Variants in TSNARE1 observed in about 807,000 individuals in gnomAD.
TSNARE1 encodes the protein t-SNARE domain-containing protein 1.
In TSNARE1, 49 loss-of-function variants were observed where a neutral mutation model predicts 62.0. The ratio of observed to expected loss-of-function variants is 0.79; its 90% CI spans 0.63 to 1.00. TSNARE1 has a LOEUF of 1.00. Among genes scored for constraint, TSNARE1 ranks in the 50% least tolerant of loss-of-function variants. TSNARE1 has a pLI of 0.00. For missense variants in TSNARE1, 755 were observed against 700.1 expected (o/e 1.08, Z -0.88); for synonymous variants, 328 against 294.4 (o/e 1.11, Z -1.17).
chr8:142,329,222 G>A (rs996500501), intron 6 of TSNARE1, among the ~76,000 whole-genome samples: 1 of 152,224 alleles, frequency 6.6e-6, no homozygotes, highest in Non-Finnish European at 1.5e-5. Context: ...GCCATGCAGG[G>A]AGGGTCAGAA....
At chr8:142,315,457 C>T (rs925302922) in intron 7 of TSNARE1, among the ~76,000 whole-genome samples, 1 of 152,234 alleles carries the variant, frequency 6.6e-6, no homozygotes, top group Non-Finnish European at 1.5e-5. Flanking sequence ...GGTGGTGGGG[C>T]CACTGCCAGA....
chr8:142,400,926 G>A lies in TSNARE1; in HGVS notation c.-40+2178C>T, dbSNP rs370336949. ...AACTGAGTAATGAACACAGTTCCCT[G>A]GTCACCTGGCACCAGGAGGTGCTGT... On this transcript the variant is annotated intron_variant, in intron 1 of 13. Coordinates refer to ENST00000524325, the MANE Select transcript of TSNARE1 (RefSeq NM_145003.5). Among the ~76,000 whole-genome samples the A allele has an allele frequency of 4.6e-5, 7 of 152,290 alleles. No individual in the cohort carries two copies. The South Asian group carries it at 1.0e-3, about 23-fold the overall frequency.
At chr8:142,274,125 G>C (rs1820032389) in intron 12 of TSNARE1, 1 of 985,312 alleles carries the variant, frequency 1.0e-6, no homozygotes, top group East Asian at 1.1e-4. Context: ...ACTCCTTGAG[G>C]AACAGGCTCT....
chr8:142,223,427 TTCAC>T (rs1477853701), intron 13 of TSNARE1, among the ~76,000 whole-genome samples: 1 of 137,364 alleles, frequency 7.3e-6, no homozygotes, highest in Non-Finnish European at 1.6e-5. Context: ...CTCATACTCA[TTCAC>T]TCACTCACTA....
chr8:142,401,672 G>C (rs769813429), intron 1 of TSNARE1, among the ~76,000 whole-genome samples: 1 of 152,154 alleles, frequency 6.6e-6, no homozygotes, highest in African/African-American at 2.4e-5. Context: ...GAGGCTGCCA[G>C]ATGTTCATGG....
At chr8:142,323,869 C>A (rs1829835671) in intron 6 of TSNARE1, among the ~76,000 whole-genome samples, 1 of 152,216 alleles carries the variant, frequency 6.6e-6, no homozygotes, top group South Asian at 2.1e-4. Flanking sequence ...CACTCCATCA[C>A]CATAGCATGC....
At chr8:142,217,355 GAAAGAAAGAAAGAAAGAAAAA>G (rs1563750405) in intron 13 of TSNARE1, among the ~76,000 whole-genome samples, 1 of 118,966 alleles carries the variant, frequency 8.4e-6, no homozygotes. Context: ...AAGAAAGAAA[GAAAGAAAGAAAGAAAGAAAAA>G]AGGGAAAGAA....
chr8:142,278,597 G>A lies in TSNARE1; in HGVS notation c.1364-3734C>T, dbSNP rs570135817. On this transcript the variant is annotated intron_variant, in intron 11 of 13. Transcript: ENST00000524325. ...GGTGGGAGGAGGCACGGAGGCGGCA[G>A]GAGGAAGCACGGAGCCAGCATCACC... 7.1e-6 allele frequency: 7 copies of A among 985,392 alleles called. No individual in the cohort carries two copies. In the East Asian group the frequency reaches 3.4e-4, roughly 48 times the overall value. The allele number at this position is 985,392 out of a possible 1,614,324, so 61.0% of individuals were successfully genotyped here.
At chr8:142,270,550 T>C (rs1432399638) in intron 12 of TSNARE1, 4 of 984,716 alleles carry the variant, frequency 4.1e-6, no homozygotes, top group East Asian at 1.1e-4. Context: ...TCCAGGCATA[T>C]GGGATGTGGT....
chr8:142,404,354 A>G (rs1423560360), upstream of TSNARE1: 1 of 152,266 alleles, frequency 6.6e-6, no homozygotes, highest in Non-Finnish European at 1.5e-5. Context: ...GAGCTGAGGG[A>G]GTGTTCCTGG....
chr8:142,395,631 G>A (rs1209712614), intron 1 of TSNARE1, among the ~76,000 whole-genome samples: 1 of 152,242 alleles, frequency 6.6e-6, no homozygotes, highest in Non-Finnish European at 1.5e-5. Context: ...GGCCCAGGCT[G>A]GAGGCTGTGA....
intron 1 of TSNARE1, among the ~76,000 whole-genome samples, chr8:142,357,426 C>G (rs931715955): frequency 1.3e-5 from 2 of 152,182 alleles, no homozygotes; most frequent in Non-Finnish European, 2.9e-5. Context: ...GTGGGGCCAG[C>G]CAGGCCTGAC....
At chr8:142,286,183 C>A (rs1822713891) in intron 10 of TSNARE1, among the ~76,000 whole-genome samples, 1 of 152,186 alleles carries the variant, frequency 6.6e-6, no homozygotes, top group East Asian at 1.9e-4. Context: ...AAAAGCAACC[C>A]TCCTCACATA....
At chr8:142,214,400 TG>T (rs2129810670) in intron 13 of TSNARE1, among the ~76,000 whole-genome samples, 1 of 152,318 alleles carries the variant, frequency 6.6e-6, no homozygotes, top group African/African-American at 2.4e-5. Context: ...ACCCCGGATT[TG>T]GGATGGTGCC....
In TSNARE1 at chr8:142,314,435, A is replaced by T. The variant is rs1382777801; in HGVS notation, c.1080T>A (p.Ile360=). Residue 360 remains isoleucine (I), a synonymous_variant, in exon 9 of 14, where the codon ATT becomes ATA. Transcript: ENST00000524325. ...GAAGCAGCGCTCTGGACTTTTCTGC[A>T]ATTTTCTGTTGAAAAAAGGACAAGA... ...IQCYGVVQKK[I]AEKSRALLPM... is the part of the protein sequence containing the mutation. 1 of 1,613,976 alleles carries T rather than the reference A, an allele frequency of 6.2e-7. No individual in the cohort carries two copies. The highest frequency in any genetic ancestry group is 1.3e-5 in the African/African-American group (1 of 75,040).
At chr8:142,332,478 G>T (rs1304766517) in intron 4 of TSNARE1, among the ~76,000 whole-genome samples, 1 of 147,130 alleles carries the variant, frequency 6.8e-6, no homozygotes, top group Non-Finnish European at 1.5e-5. Flanking sequence ...AGAATTAGTG[G>T]TGATTATAGA....
At chr8:142,288,128 G>A (rs1302092436) in intron 10 of TSNARE1, among the ~76,000 whole-genome samples, 1 of 152,258 alleles carries the variant, frequency 6.6e-6, no homozygotes, top group Non-Finnish European at 1.5e-5. Flanking sequence ...CTGTGGGGAT[G>A]CAGCTTTGGT....
At chr8:142,397,820 C>T (rs1051729475) in intron 1 of TSNARE1, among the ~76,000 whole-genome samples, 1 of 152,146 alleles carries the variant, frequency 6.6e-6, no homozygotes, top group Non-Finnish European at 1.5e-5. Flanking sequence ...GGGCCCACAG[C>T]GCAGCCACCA....
At chr8:142,222,959 C>CCACTCACTCATCCACTCAT (rs1563756330) in intron 13 of TSNARE1, among the ~76,000 whole-genome samples, 1 of 79,136 alleles carries the variant, frequency 1.3e-5, no homozygotes, top group South Asian at 4.3e-4. Context: ...CATCCACTCA[C>CCACTCACTCATCCACTCAT]TCACTCATTC....
Sources: allele counts gnomAD v4.1 joint callset (sites outside exome capture counted in the v4.1 genomes callset), GRCh38; gene constraint gnomAD v4.1.1; transcripts MANE v1.5; gene names NCBI Gene and HGNC (gene_info 2026-07-23, HGNC 2026-07-21).